UMOD: variants seen among roughly 807,000 people sequenced by gnomAD.
UMOD encodes Tamm-Horsfall urinary glycoprotein.
A neutral mutation model predicts 66.0 loss-of-function variants in UMOD; 64 were observed. The ratio of observed to expected loss-of-function variants is 0.97; its 90% confidence interval spans 0.79 to 1.19. The LOEUF is 1.19. Among genes scored for constraint, UMOD ranks in the 50% most tolerant of loss-of-function variants. UMOD has a pLI of 0.00. For missense variants in UMOD, 764 were observed against 850.9 expected (o/e 0.90, Z 1.27); for synonymous variants, 398 against 352.7 (o/e 1.13, Z -1.44).
intron 7 of UMOD, 121 bp downstream of exon 7, chr16:20,340,970 G>T: frequency 8.5e-7 from 1 of 1,180,382 alleles, no homozygotes; most frequent in Non-Finnish European, 1.2e-6. Flanking sequence ...CTCCAACCTT[G>T]GCGACAGAGC....
intron 5 of UMOD, 99 bp downstream of exon 5, chr16:20,346,027 G>A: frequency 8.6e-7 from 1 of 1,157,590 alleles, no homozygotes; most frequent in East Asian, 2.5e-5. Context: ...GCACAGCCAG[G>A]CTAAATAACT....
At chr16:20,344,800 C>G (rs1266869233) in intron 5 of UMOD, among the ~76,000 whole-genome samples, 1 of 152,216 alleles carries the variant, frequency 6.6e-6, no homozygotes, top group Non-Finnish European at 1.5e-5. Context: ...GTGACCCTAA[C>G]AAGTGGCGCT....
chr16:20,337,753 C>G lies in UMOD; in HGVS notation c.1578-300G>C, dbSNP rs558535718. Among the ~76,000 whole-genome samples the G allele has an allele frequency of 2.0e-5, 3 of 152,304 alleles. No homozygotes were observed. In the East Asian group the frequency reaches 5.8e-4, roughly 29 times the overall value. On this transcript the variant is annotated intron_variant, in intron 7 of 10. Coordinates refer to ENST00000396138, the MANE Select transcript of UMOD (RefSeq NM_003361.4). ...AACTGTCATCAGTGCAGAGCTGAAA[C>G]TATCCAAAAGTCAGCACTTCCTGAT...
chr16:20,337,667 A>G (rs761288620), intron 7 of UMOD, among the ~76,000 whole-genome samples: 13 of 152,216 alleles, frequency 8.5e-5, no homozygotes, highest in Non-Finnish European at 1.3e-4. Context: ...TTAATTTCTC[A>G]AAGTGCGTAG....
At chr16:20,353,529 C>T (rs1965978495), upstream of UMOD, among the ~76,000 whole-genome samples, 2 of 152,152 alleles carry the variant, frequency 1.3e-5, no homozygotes, top group East Asian at 1.9e-4. Context: ...CAAGTAAAGT[C>T]ATATAGTAAT....
intron 1 of UMOD, among the ~76,000 whole-genome samples, chr16:20,351,747 G>A (rs893350703): frequency 2.0e-5 from 3 of 152,164 alleles, no homozygotes; most frequent in Non-Finnish European, 1.5e-5. Context: ...GTTGCCAGGT[G>A]CAGTGGCTCA....
intron 7 of UMOD, among the ~76,000 whole-genome samples, chr16:20,339,412 G>A (rs1965062480): frequency 6.6e-6 from 1 of 152,164 alleles, no homozygotes; most frequent in Non-Finnish European, 1.5e-5. Flanking sequence ...GAATTCAAAT[G>A]GCAGACAAGT....
At chr16:20,337,489 A>G in intron 7 of UMOD, 36 bp from the exon 8 acceptor site, 1 of 1,613,856 alleles carries the variant, frequency 6.2e-7, no homozygotes, top group Non-Finnish European at 8.5e-7. Flanking sequence ...GTGGTTGGTT[A>G]AATAAAGATT....
chr16:20,334,950 A>T (rs990076976), intron 10 of UMOD, among the ~76,000 whole-genome samples: 1 of 150,570 alleles, frequency 6.6e-6, no homozygotes, highest in African/African-American at 2.4e-5. Flanking sequence ...CTCCTGCCTC[A>T]GCCTCCCAAG....
chr16:20,337,959 A>G (rs1376236382), intron 7 of UMOD, among the ~76,000 whole-genome samples: 1 of 152,166 alleles, frequency 6.6e-6, no homozygotes. Flanking sequence ...AACCCGAAAT[A>G]GAGCATGCAG....
chr16:20,355,369 C>T (rs1028516726), upstream of UMOD, among the ~76,000 whole-genome samples: 3 of 151,730 alleles, frequency 2.0e-5, no homozygotes, highest in Admixed American at 6.6e-5. Context: ...CAGCACTTCG[C>T]TCTTGAAACA....
chr16:20,343,153 A>C (rs1965336312), intron 6 of UMOD, among the ~76,000 whole-genome samples: 1 of 152,060 alleles, frequency 6.6e-6, no homozygotes, highest in Admixed American at 6.6e-5. Context: ...ATAAATAAAT[A>C]AATAATCAAT....
chr16:20,336,899 T>C lies in UMOD; in HGVS notation c.1741-172A>G, dbSNP rs116189548. Among the ~76,000 whole-genome samples, 1,513 of 152,258 alleles carry C rather than the reference T, an allele frequency of 9.9e-3. 22 individuals are homozygous for C. The highest frequency in any genetic ancestry group is 0.035 in the African/African-American group (1,437 of 41,538). On this transcript the variant is annotated intron_variant, in intron 8 of 10. Coordinates refer to ENST00000396138, the MANE Select transcript of UMOD (RefSeq NM_003361.4). Reference sequence around the variant, plus strand: ...GGTCCCAGCTCTGCCATTTGTTAGATAGATGCATGATCTCAGGCAAGCCAC... The same window carrying C: ...GGTCCCAGCTCTGCCATTTGTTAGACAGATGCATGATCTCAGGCAAGCCAC...
chr16:20,333,398 G>A (rs200812784), intron 10 of UMOD, 23 bp from the exon 11 acceptor site: 2 of 1,604,240 alleles, frequency 1.2e-6, no homozygotes, highest in African/African-American at 1.3e-5. Context: ...CAGTGACAGG[G>A]CAACTGCTAG....
upstream of UMOD, among the ~76,000 whole-genome samples, chr16:20,355,824 T>C (rs1013435031): frequency 6.6e-6 from 1 of 152,146 alleles, no homozygotes; most frequent in African/African-American, 2.4e-5. Flanking sequence ...TTTGCCTCCA[T>C]TGTCTCAAAC....
chr16:20,348,427 C>A lies in UMOD; in HGVS notation c.865+9G>T. ...CTGGGATGAGGACTGTGGGGAGACT[C>A]CGGCTGACCTGTGCAGTACGCCAGG... is the stretch of plus-strand genomic sequence containing the variant. On this transcript the variant is annotated intron_variant, in intron 3 of 10. Transcript: ENST00000396138. The A allele has an allele frequency of 6.2e-7, 1 of 1,614,010 alleles. No individual in the cohort carries two copies.
intron 9 of UMOD, among the ~76,000 whole-genome samples, 180 bp downstream of exon 9, chr16:20,336,466 G>A (rs1294314125): frequency 6.6e-6 from 1 of 152,166 alleles, no homozygotes; most frequent in African/African-American, 2.4e-5. Flanking sequence ...CCAATGAATG[G>A]GTGTATGAAT....
chr16:20,344,149 G>A lies in UMOD; in HGVS notation c.1206C>T (p.Tyr402=). 2 of 1,375,924 alleles carry A rather than the reference G, an allele frequency of 1.5e-6. No individual in the cohort carries two copies. Among genetic ancestry groups the A allele is most frequent in the African/African-American group, 2.9e-5 (2 of 67,806 alleles). 85.2% of individuals were successfully genotyped at this position (1,375,924 alleles called of 1,614,324 possible). The change falls in exon 6 of 11, where the codon TAC becomes TAT. Residue 402 remains tyrosine, a synonymous_variant. Coordinates refer to ENST00000396138, the MANE Select transcript of UMOD (RefSeq NM_003361.4). ...CATCTGCCAGGTAGAGGGTGTTGCTGTAAGTGGCATGGGTTTCATTCCTCT... is the reference window on the plus strand; with the variant it reads ...CATCTGCCAGGTAGAGGGTGTTGCTATAAGTGGCATGGGTTTCATTCCTCT... The part of the protein sequence containing the change: ...VLTRNETHAT[Y]SNTLYLADEI...
chr16:20,344,180 A>C lies in UMOD; in HGVS notation c.1183-8T>G. ...GGCATGGGTTTCATTCCTCTGTTGCAGGGAATGGGGGTGGAGGGGGGGTGG... is the reference window on the plus strand; with the variant it reads ...GGCATGGGTTTCATTCCTCTGTTGCCGGGAATGGGGGTGGAGGGGGGGTGG... On this transcript the variant is annotated splice_polypyrimidine_tract_variant and splice_region_variant and intron_variant, in intron 5 of 10. Coordinates refer to ENST00000396138, the MANE Select transcript of UMOD (RefSeq NM_003361.4). 1.4e-6 allele frequency: 1 copy of C among 722,418 alleles called. No homozygotes were observed. The highest frequency in any genetic ancestry group is 2.3e-6 in the Non-Finnish European group (1 of 443,042). The allele number at this position is 722,418 out of a possible 1,614,324, so 44.8% of individuals were successfully genotyped here.
Sources: gnomAD v4.1 joint callset for allele counts (sites outside exome capture counted in the v4.1 genomes callset) on GRCh38, gnomAD v4.1.1 for gene constraint, MANE v1.5 for transcripts, NCBI Gene and HGNC (gene_info 2026-07-23, HGNC 2026-07-21) for gene names.